TMEM150C: variants seen among roughly 807,000 people sequenced by gnomAD.
The protein encoded by TMEM150C is tentonin 3.
In TMEM150C, 10 loss-of-function variants were observed where a neutral mutation model predicts 29.9. That is an observed-to-expected ratio of 0.33 (90% CI 0.21 to 0.57). The LOEUF (loss-of-function observed/expected upper bound fraction) is 0.57, where lower values mean the gene tolerates loss of function less well. Ranked by LOEUF, TMEM150C falls within the 20% of genes least tolerant of loss-of-function variation. TMEM150C has a pLI of 0.88. For missense variants in TMEM150C, 251 were observed against 303.6 expected, an observed-to-expected ratio of 0.83 and a Z score of 1.29; for synonymous variants, 101 against 112.5, an observed-to-expected ratio of 0.90 and a Z score of 0.64.
chr4:82,528,798 A>T (rs934930898), intron 1 of TMEM150C, among the ~76,000 whole-genome samples: 1 of 151,690 alleles, frequency 6.6e-6, no homozygotes, highest in African/African-American at 2.4e-5. Context: ...GTTTCACCAT[A>T]TTGGCCAGGC....
At chr4:82,495,960 G>A in intron 6 of TMEM150C, 108 bp downstream of exon 6, 1 of 1,409,610 alleles carries the variant, frequency 7.1e-7, no homozygotes, top group South Asian at 1.3e-5. Context: ...AAAGGTTTGT[G>A]CAGAATTATA....
At chr4:82,493,654 C>T (rs1723445249) in intron 6 of TMEM150C, among the ~76,000 whole-genome samples, 1 of 152,132 alleles carries the variant, frequency 6.6e-6, no homozygotes, top group Admixed American at 6.5e-5. Flanking sequence ...CTCATCAAAG[C>T]CCTGGTCGAG....
chr4:82,502,948 AC>A, intron 3 of TMEM150C, 21 bp from the exon 4 acceptor site: 1 of 1,583,140 alleles, frequency 6.3e-7, no homozygotes, highest in African/African-American at 1.4e-5. Context: ...AAAAAAAAAA[AC>A]ACAGAAGCTC....
rs747216484 is a variant in TMEM150C, at chr4:82,504,533, A to C, written c.80+45T>G. On this transcript the variant is annotated intron_variant, in intron 2 of 7. Transcript: ENST00000449862. ...ACTATTAAGGTTTACATTTGTATCTACATTGCACCTGAATCCTTAAATAAT... is the reference window on the plus strand; with the variant it reads ...ACTATTAAGGTTTACATTTGTATCTCCATTGCACCTGAATCCTTAAATAAT... The C allele has an allele frequency of 9.1e-6, 14 of 1,530,694 alleles. No homozygotes were observed. The East Asian group carries it at 3.2e-4, about 35-fold the overall frequency. The allele number at this position is 1,530,694 out of a possible 1,614,324, so 94.8% of individuals were successfully genotyped here. A position where few individuals can be genotyped will look rare whatever the true frequency, so the allele number is the denominator to read the frequency against.
chr4:82,551,510 G>A (rs1035754103), intron 1 of TMEM150C, among the ~76,000 whole-genome samples: 11 of 152,352 alleles, frequency 7.2e-5, no homozygotes, highest in East Asian at 5.8e-4. Flanking sequence ...AGCAGGGAGA[G>A]TCTTCCTCAG....
chr4:82,497,242 C>T (rs1030765445), intron 5 of TMEM150C, among the ~76,000 whole-genome samples: 5 of 151,972 alleles, frequency 3.3e-5, no homozygotes, highest in Admixed American at 1.3e-4. Context: ...AAATCACTTT[C>T]GATTAATGTA....
chr4:82,541,659 C>A (rs566046454), intron 1 of TMEM150C, among the ~76,000 whole-genome samples: 4 of 152,258 alleles, frequency 2.6e-5, no homozygotes, highest in African/African-American at 9.6e-5. Flanking sequence ...AATTTGTACA[C>A]ATTTATTGAA....
At chr4:82,515,736 C>CAAAAAAAAAA (rs557328249) in intron 1 of TMEM150C, among the ~76,000 whole-genome samples, 1 of 115,198 alleles carries the variant, frequency 8.7e-6, no homozygotes, top group African/African-American at 3.1e-5. Context: ...GACTCTATCT[C>CAAAAAAAAAA]AAAAAAAAAA....
upstream of TMEM150C, chr4:82,562,175 C>T (rs1331182249): frequency 7.8e-7 from 1 of 1,282,430 alleles, no homozygotes; most frequent in Non-Finnish European, 1.0e-6. Flanking sequence ...GGGGCAGGAG[C>T]CGGGTGTGGG....
At chr4:82,560,470 A>G (rs1268256281) in intron 1 of TMEM150C, among the ~76,000 whole-genome samples, 1 of 152,186 alleles carries the variant, frequency 6.6e-6, no homozygotes, top group Non-Finnish European at 1.5e-5. Context: ...TAAAATTCCT[A>G]CGCTTATGCC....
intron 6 of TMEM150C, among the ~76,000 whole-genome samples, chr4:82,492,174 G>A (rs2110063533): frequency 6.6e-6 from 1 of 151,910 alleles, no homozygotes; most frequent in East Asian, 2.0e-4. Context: ...TGTCACCCAG[G>A]CTGGAGTGCA....
At chr4:82,486,012 C>T (rs1403889187) in intron 7 of TMEM150C, among the ~76,000 whole-genome samples, 1 of 151,960 alleles carries the variant, frequency 6.6e-6, no homozygotes. Context: ...TCTATTTGCC[C>T]TTAAATACTC....
intron 1 of TMEM150C, among the ~76,000 whole-genome samples, chr4:82,544,309 G>A (rs77068094): frequency 0.046 from 6,996 of 152,220 alleles, 559 homozygotes; most frequent in African/African-American, 0.16. Flanking sequence ...AAGAACTCTT[G>A]TCCCAGCCTG....
At chr4:82,538,116 T>C (rs548122722) in intron 1 of TMEM150C, among the ~76,000 whole-genome samples, 3 of 152,342 alleles carry the variant, frequency 2.0e-5, no homozygotes, top group Non-Finnish European at 2.9e-5. Flanking sequence ...TGGTGTGTGG[T>C]AGCGCGATCT....
intron 1 of TMEM150C, among the ~76,000 whole-genome samples, chr4:82,505,313 T>C (rs1195248613): frequency 1.3e-5 from 2 of 152,156 alleles, no homozygotes; most frequent in Non-Finnish European, 2.9e-5. Flanking sequence ...TTCCAAAGTG[T>C]TGAGATTACA....
At chr4:82,540,513 T>G (rs1343508580) in intron 1 of TMEM150C, among the ~76,000 whole-genome samples, 1 of 152,090 alleles carries the variant, frequency 6.6e-6, no homozygotes, top group Non-Finnish European at 1.5e-5. Context: ...TAAGCATTAT[T>G]ATTATTAATA....
At chr4:82,517,848 C>G (rs1208325590) in intron 1 of TMEM150C, among the ~76,000 whole-genome samples, 2 of 152,194 alleles carry the variant, frequency 1.3e-5, no homozygotes, top group Non-Finnish European at 2.9e-5. Flanking sequence ...CCTATTGGTT[C>G]TGTTTCTCTG....
chr4:82,555,052 C>T (rs910230361), intron 1 of TMEM150C, among the ~76,000 whole-genome samples: 4 of 152,036 alleles, frequency 2.6e-5, no homozygotes, highest in South Asian at 4.2e-4. Context: ...TTAAGTGATC[C>T]GATTACATTA....
At chr4:82,512,253 C>T (rs953186) in intron 1 of TMEM150C, among the ~76,000 whole-genome samples, 43,349 of 151,816 alleles carry the variant, frequency 0.29, 6,518 homozygotes, top group Admixed American at 0.42. Context: ...AATGTAACCA[C>T]GAGACAAAAA....
Sources: allele counts gnomAD v4.1 joint callset (sites outside exome capture counted in the v4.1 genomes callset), GRCh38; gene constraint gnomAD v4.1.1; transcripts MANE v1.5; gene names NCBI Gene and HGNC (gene_info 2026-07-23, HGNC 2026-07-21).